MACC1: variants seen among roughly 807,000 people sequenced by gnomAD.
MACC1 encodes MET transcriptional regulator MACC1.
MACC1 carries 79 observed loss-of-function variants against 70.7 expected under a neutral mutation model. The observed-to-expected ratio is 1.12, with a 90% confidence interval of 0.93 to 1.35. The LOEUF (loss-of-function observed/expected upper bound fraction) is 1.35. MACC1 is among the 40% of genes most tolerant of loss of function. MACC1 has a pLI of 0.00. For missense variants in MACC1, 1,106 were observed against 978.1 expected (o/e 1.13, Z -1.74); for synonymous variants, 361 against 347.2 (o/e 1.04, Z -0.44).
At chr7:20,183,667 C>T (rs183370794) in intron 1 of MACC1, among the ~76,000 whole-genome samples, 1 of 151,700 alleles carries the variant, frequency 6.6e-6, no homozygotes, top group Non-Finnish European at 1.5e-5. Context: ...TATCCTAATT[C>T]CAACAGTTAT....
intron 1 of MACC1, among the ~76,000 whole-genome samples, chr7:20,188,185 G>A (rs922648386): frequency 6.6e-6 from 1 of 152,190 alleles, no homozygotes; most frequent in Non-Finnish European, 1.5e-5. Flanking sequence ...TTCCACTCTT[G>A]ACAGGTGAGG....
At chr7:20,183,120 G>C (rs1381466074) in intron 1 of MACC1, among the ~76,000 whole-genome samples, 2 of 152,142 alleles carry the variant, frequency 1.3e-5, no homozygotes, top group Admixed American at 6.5e-5. Flanking sequence ...TGGCAAAAGG[G>C]AATTTTTGGT....
chr7:20,158,414 G>A lies in MACC1; in HGVS notation c.1947C>T (p.Ile649=). Residue 649 remains isoleucine (I), a synonymous_variant, in exon 5 of 7, where the codon ATC becomes ATT. Coordinates refer to ENST00000400331, the MANE Select transcript of MACC1 (RefSeq NM_182762.4). ...IVLPLKKLTY[I]YSVVLTLVSE... ...ACACCAAGGTTAATACAACTGAGTA[G>A]ATATAAGTCAATTTTTTTAAAGGCA... The A allele has an allele frequency of 6.2e-7, 1 of 1,613,822 alleles. No homozygotes were observed. The highest frequency in any genetic ancestry group is 8.5e-7 in the Non-Finnish European group (1 of 1,179,938).
chr7:20,144,465 G>C (rs749206420), intron 6 of MACC1, among the ~76,000 whole-genome samples: 4 of 152,168 alleles, frequency 2.6e-5, no homozygotes, highest in Non-Finnish European at 4.4e-5. Context: ...TTGCCTATTT[G>C]ATAGGTTAAT....
intron 2 of MACC1, among the ~76,000 whole-genome samples, 156 bp from the exon 3 acceptor site, chr7:20,164,555 A>G (rs867498968): frequency 5.9e-5 from 9 of 152,314 alleles, no homozygotes; most frequent in Middle Eastern, 3.4e-3. Flanking sequence ...AAAAAAATCC[A>G]ATGTTGCAAT....
chr7:20,165,527 T>C (rs1782202872), intron 2 of MACC1, among the ~76,000 whole-genome samples: 1 of 102,706 alleles, frequency 9.7e-6, no homozygotes, highest in Non-Finnish European at 1.8e-5. Flanking sequence ...CAAGGAGAGG[T>C]GGTATAGGGG....
rs17142536 is a variant in MACC1 at position 20,173,695 on chromosome 7, C to G, written c.-217-2917G>C. On this transcript the variant is annotated intron_variant, in intron 1 of 6. Transcript: ENST00000400331. The stretch of plus-strand genomic sequence containing the variant: ...CAAACCTATTGTGCTAATGGACAAT[C>G]TGATCTTGGGTCCTAGCCACATACC... 5.1e-3 allele frequency among the ~76,000 whole-genome samples: 783 copies of G among 152,326 alleles called. 12 individuals are homozygous for G. The highest frequency in any genetic ancestry group is 0.017 in the African/African-American group (718 of 41,580).
intron 1 of MACC1, among the ~76,000 whole-genome samples, chr7:20,204,279 A>C (rs996646797): frequency 1.3e-4 from 19 of 151,986 alleles, no homozygotes; most frequent in African/African-American, 4.3e-4. Context: ...CTCAGCCTCC[A>C]GAGCAGCTGG....
At position 20,216,599 on chromosome 7, in the gene MACC1, G is replaced by A. The variant is rs543549207; in HGVS notation, c.-218+700C>T. 2.2e-4 allele frequency among the ~76,000 whole-genome samples: 33 copies of A among 152,154 alleles called. No individual in the cohort carries two copies. The Middle Eastern group carries it at 0.01, about 47-fold the overall frequency. On this transcript the variant is annotated intron_variant, in intron 1 of 6. Coordinates refer to ENST00000400331, the MANE Select transcript of MACC1 (RefSeq NM_182762.4). Reference sequence around the variant, plus strand: ...TACCTCAGGTAAGTTGAATCATCCAGTATTTGTCTTTTTGTTTCTTTGGTG... The same window carrying A: ...TACCTCAGGTAAGTTGAATCATCCAATATTTGTCTTTTTGTTTCTTTGGTG...
At position 20,159,601 on chromosome 7, in the gene MACC1, A is replaced by G. The variant is rs1369981371; in HGVS notation, c.760T>C (p.Phe254Leu). 21 of 1,614,020 alleles carry G rather than the reference A, an allele frequency of 1.3e-5. No individual in the cohort carries two copies. Among genetic ancestry groups the G allele is most frequent in the Admixed American group, 1.7e-5 (1 of 59,974 alleles). ...GEFQEVSLRA[F>L]LDPPHMLNHD... ...TTAAGCATGTGTGGCGGATCAAGGA[A>G]AGCCCTTAGAGACACCTCTTGGAAT... The change falls in exon 5 of 7, where the codon TTC (phenylalanine) becomes CTC (leucine). Residue 254 changes from phenylalanine to leucine, a missense_variant. Phe to Leu is a conservative substitution (Grantham distance 22). Transcript: ENST00000400331.
At chr7:20,169,490 C>G (rs1171026712) in intron 2 of MACC1, among the ~76,000 whole-genome samples, 2 of 152,176 alleles carry the variant, frequency 1.3e-5, no homozygotes, top group Non-Finnish European at 2.9e-5. Flanking sequence ...CTGTAGGGTC[C>G]TCACTTGCAT....
intron 6 of MACC1, among the ~76,000 whole-genome samples, chr7:20,143,667 G>A: frequency 6.6e-6 from 1 of 152,166 alleles, no homozygotes; most frequent in East Asian, 1.9e-4. Flanking sequence ...GGGATTACAG[G>A]CATGAGCCAC....
At chr7:20,197,794 A>G (rs981084560) in intron 1 of MACC1, among the ~76,000 whole-genome samples, 13 of 152,268 alleles carry the variant, frequency 8.5e-5, no homozygotes, top group Non-Finnish European at 1.8e-4. Context: ...GTGAAACAGA[A>G]AAGTTTCAAT....
At position 20,146,850 on chromosome 7, in the gene MACC1, G is replaced by C. The variant is rs546752432; in HGVS notation, c.2347-5692C>G. On this transcript the variant is annotated intron_variant, in intron 6 of 6. Transcript: ENST00000400331. The stretch of plus-strand genomic sequence containing the variant: ...TTCTATCACAAATATTTAATACATA[G>C]GCTGCATTCTTATGCCTCTATTCTT... Among the ~76,000 whole-genome samples, 32 of 152,194 alleles carry C rather than the reference G, an allele frequency of 2.1e-4. 1 individual carries two copies. In the South Asian group the frequency reaches 6.6e-3, roughly 32 times the overall value.
intron 1 of MACC1, among the ~76,000 whole-genome samples, chr7:20,212,746 C>G (rs1212084090): frequency 6.6e-6 from 1 of 152,028 alleles, no homozygotes; most frequent in Admixed American, 6.6e-5. Context: ...CCACAAGAAC[C>G]AGTTCCCTCT....
chr7:20,160,035 T>C lies in MACC1; in HGVS notation c.326A>G (p.Asn109Ser), dbSNP rs763811378. Residue 109 changes from asparagine (N) to serine (S), a missense_variant, in exon 5 of 7, where the codon AAT (asparagine) becomes AGT (serine). Coordinates refer to ENST00000400331, the MANE Select transcript of MACC1 (RefSeq NM_182762.4). ...ACCGGAGGAATCAAAAGAATTTCCA[T>C]TTTCTATTTCTCTACAGAAAAGAAA... ...DPFLFCREIENGNSFDSSGDE... is the reference protein window; with the variant it reads ...DPFLFCREIESGNSFDSSGDE... 1.2e-6 allele frequency: 2 copies of C among 1,611,030 alleles called. No homozygotes were observed. Among genetic ancestry groups the C allele is most frequent in the Non-Finnish European group, 1.7e-6 (2 of 1,179,076 alleles).
intron 1 of MACC1, among the ~76,000 whole-genome samples, chr7:20,216,517 C>T (rs912563714): frequency 6.6e-6 from 1 of 152,076 alleles, no homozygotes; most frequent in Non-Finnish European, 1.5e-5. Context: ...CTCCTTCCCC[C>T]AAGCCCCTGG....
chr7:20,171,763 G>A (rs919418877), intron 1 of MACC1, among the ~76,000 whole-genome samples: 14 of 152,056 alleles, frequency 9.2e-5, no homozygotes, highest in African/African-American at 3.1e-4. Context: ...TGTAATTTTA[G>A]TAGAGACAGG....
intron 2 of MACC1, among the ~76,000 whole-genome samples, chr7:20,165,553 C>T (rs1354484929): frequency 2.6e-5 from 4 of 150,974 alleles, no homozygotes; most frequent in South Asian, 2.1e-4. Flanking sequence ...AAAAAATCCT[C>T]GACTGGAAGG....
Sources: gnomAD v4.1 joint callset for allele counts (sites outside exome capture counted in the v4.1 genomes callset) on GRCh38, gnomAD v4.1.1 for gene constraint, MANE v1.5 for transcripts, NCBI Gene and HGNC (gene_info 2026-07-23, HGNC 2026-07-21) for gene names.